FER: variants seen among roughly 807,000 people sequenced by gnomAD.
FER encodes the protein FER tyrosine kinase.
FER carries 63 observed loss-of-function variants against 111.0 expected under a neutral mutation model. The observed-to-expected ratio is 0.57, with a 90% CI of 0.46 to 0.70. The LOEUF (loss-of-function observed/expected upper bound fraction) is 0.70, where lower values mean the gene tolerates loss of function less well. Ranked by LOEUF, FER falls within the 30% of genes least tolerant of loss-of-function variation. The pLI is 0.00. For missense variants in FER, 914 were observed against 954.0 expected, an observed-to-expected ratio of 0.96 and a Z score of 0.55; for synonymous variants, 327 against 313.9, an observed-to-expected ratio of 1.04 and a Z score of -0.44.
At chr5:109,069,934 A>G (rs189811011) in intron 16 of FER, among the ~76,000 whole-genome samples, 2 of 152,248 alleles carry the variant, frequency 1.3e-5, no homozygotes, top group South Asian at 2.1e-4. Context: ...AAGTTGTTTT[A>G]TATAATCTGC....
chr5:108,751,204 A>G (rs944595110), intron 1 of FER, among the ~76,000 whole-genome samples: 5 of 152,104 alleles, frequency 3.3e-5, no homozygotes, highest in Admixed American at 6.5e-5. Context: ...GAAAAACAAA[A>G]AACAAACAAA....
intron 10 of FER, among the ~76,000 whole-genome samples, chr5:108,929,442 T>C (rs1754251937): frequency 6.6e-6 from 1 of 152,174 alleles, no homozygotes; most frequent in Non-Finnish European, 1.5e-5. Context: ...TCTAGACATC[T>C]AAGGTACTGT....
In FER at chr5:108,868,163, T is replaced by G. The variant is rs1764257919; in HGVS notation, c.665+213T>G. On this transcript the variant is annotated intron_variant, in intron 6 of 19. Transcript: ENST00000281092. Reference sequence around the variant, plus strand: ...AGCTAGCTTCCAAAATGGTCCTTCTTTTGTATGTTTTTGTTTTGTTTCCTT... The same window carrying G: ...AGCTAGCTTCCAAAATGGTCCTTCTGTTGTATGTTTTTGTTTTGTTTCCTT... Among the ~76,000 whole-genome samples the G allele has an allele frequency of 2.0e-5, 3 of 152,048 alleles. No individual in the cohort carries two copies. In the South Asian group the frequency reaches 6.2e-4, roughly 32 times the overall value.
At chr5:109,037,115 A>G (rs1770512847) in intron 13 of FER, among the ~76,000 whole-genome samples, 1 of 152,106 alleles carries the variant, frequency 6.6e-6, no homozygotes, top group African/African-American at 2.4e-5. Context: ...ATGACAAATA[A>G]TAGCATAACA....
chr5:109,096,375 T>TA (rs1379333195), intron 16 of FER, among the ~76,000 whole-genome samples: 2 of 152,016 alleles, frequency 1.3e-5, no homozygotes, highest in African/African-American at 4.8e-5. Flanking sequence ...AGAAGATGTA[T>TA]AAAAAACTCT....
intron 16 of FER, chr5:109,052,240 G>T: frequency 6.2e-7 from 1 of 1,607,128 alleles, no homozygotes; most frequent in Admixed American, 1.7e-5. Flanking sequence ...GCGCACATGA[G>T]AGATTGGGAA....
intron 5 of FER, among the ~76,000 whole-genome samples, chr5:108,854,116 G>A (rs985254143): frequency 4.6e-5 from 7 of 152,154 alleles, no homozygotes; most frequent in African/African-American, 1.7e-4. Context: ...TCACCTAGGG[G>A]ACATAAAGGT....
At chr5:108,791,804 A>G (rs1416692334) in intron 2 of FER, among the ~76,000 whole-genome samples, 2 of 152,170 alleles carry the variant, frequency 1.3e-5, no homozygotes, top group African/African-American at 2.4e-5. Flanking sequence ...TGAGAATTTT[A>G]TAGTTTTAGC....
intron 16 of FER, among the ~76,000 whole-genome samples, chr5:109,079,024 A>G (rs1354213688): frequency 6.6e-6 from 1 of 152,150 alleles, no homozygotes; most frequent in Non-Finnish European, 1.5e-5. Flanking sequence ...CCTCAGTCTT[A>G]CCACAACCAT....
At chr5:108,778,039 G>T (rs79409628) in intron 2 of FER, among the ~76,000 whole-genome samples, 9,906 of 152,202 alleles carry the variant, frequency 0.065, 425 homozygotes, top group South Asian at 0.094. Flanking sequence ...TGTCATATAG[G>T]TATAATTGTG....
At chr5:108,897,554 G>C (rs1159933189) in intron 9 of FER, 105 bp from the exon 10 acceptor site, 1 of 773,968 alleles carries the variant, frequency 1.3e-6, no homozygotes, top group Non-Finnish European at 1.9e-6. Flanking sequence ...GATTCTAAAG[G>C]GCTCTTATAA....
At chr5:109,016,128 T>G (rs762108854) in intron 13 of FER, among the ~76,000 whole-genome samples, 1 of 152,044 alleles carries the variant, frequency 6.6e-6, no homozygotes, top group Non-Finnish European at 1.5e-5. Context: ...GTGCACTTCT[T>G]CAGTAATCAG....
chr5:108,841,219 C>A (rs1401477802), intron 5 of FER, among the ~76,000 whole-genome samples: 1 of 152,170 alleles, frequency 6.6e-6, no homozygotes, highest in Non-Finnish European at 1.5e-5. Flanking sequence ...TGTCACTTTA[C>A]TAGGTAGTGA....
At chr5:109,069,474 G>C (rs1775518643) in intron 16 of FER, among the ~76,000 whole-genome samples, 1 of 152,086 alleles carries the variant, frequency 6.6e-6, no homozygotes. Context: ...AATGTGCTGA[G>C]ACACATAGGA....
chr5:109,065,688 A>G (rs1581874756), intron 16 of FER, among the ~76,000 whole-genome samples: 1 of 152,348 alleles, frequency 6.6e-6, no homozygotes, highest in Admixed American at 6.5e-5. Context: ...TATTATATTA[A>G]GCATTGTATA....
At chr5:108,844,744 A>G (rs1014128703) in intron 5 of FER, among the ~76,000 whole-genome samples, 1 of 151,824 alleles carries the variant, frequency 6.6e-6, no homozygotes, top group Admixed American at 6.6e-5. Flanking sequence ...AATATTTTAA[A>G]AAGGAACCAT....
At chr5:108,924,790 G>T (rs1753515861) in intron 10 of FER, 2 of 1,231,928 alleles carry the variant, frequency 1.6e-6, no homozygotes, top group African/African-American at 3.1e-5. Context: ...CAGAGATCAG[G>T]TAAGGAGAAG....
chr5:109,031,194 T>C (rs531787835), intron 13 of FER, among the ~76,000 whole-genome samples: 7 of 152,110 alleles, frequency 4.6e-5, no homozygotes, highest in Non-Finnish European at 1.0e-4. Context: ...TATGGCTATG[T>C]TGGGAGTCAA....
At chr5:109,153,175 T>G (rs181072425) in intron 17 of FER, among the ~76,000 whole-genome samples, 99 of 151,468 alleles carry the variant, frequency 6.5e-4, no homozygotes, top group Non-Finnish European at 1.1e-3. Flanking sequence ...GTGGTGCTAT[T>G]TCTCAAGCAA....
Sources: allele counts gnomAD v4.1 joint callset (sites outside exome capture counted in the v4.1 genomes callset), GRCh38; gene constraint gnomAD v4.1.1; transcripts MANE v1.5; gene names NCBI Gene and HGNC (gene_info 2026-07-23, HGNC 2026-07-21).